CCSER1: variants seen among roughly 807,000 people sequenced by gnomAD.
The protein encoded by CCSER1 is coiled-coil serine rich protein 1.
CCSER1 carries 41 observed loss-of-function variants against 82.0 expected under a neutral mutation model. The ratio of observed to expected loss-of-function variants is 0.50; its 90% confidence interval spans 0.39 to 0.65. The LOEUF is 0.65. Ranked by LOEUF, CCSER1 falls within the 30% of genes least tolerant of loss-of-function variation. The pLI is 0.00. For missense variants in CCSER1, 1,119 were observed against 1,064.2 expected, an observed-to-expected ratio of 1.05 and a Z score of -0.72; for synonymous variants, 414 against 383.9, an observed-to-expected ratio of 1.08 and a Z score of -0.92.
intron 7 of CCSER1, among the ~76,000 whole-genome samples, chr4:90,789,305 G>C (rs967097073): frequency 6.6e-6 from 1 of 151,904 alleles, no homozygotes; most frequent in Non-Finnish European, 1.5e-5. Flanking sequence ...TCTTAAATTT[G>C]TTTGCTCCCA....
At chr4:90,147,789 T>G (rs999858386) in intron 1 of CCSER1, among the ~76,000 whole-genome samples, 3 of 152,118 alleles carry the variant, frequency 2.0e-5, no homozygotes, top group African/African-American at 7.2e-5. Flanking sequence ...AAAAGTAAGA[T>G]TGTGAACATA....
intron 4 of CCSER1, among the ~76,000 whole-genome samples, chr4:90,405,975 A>G (rs752943151): frequency 6.6e-6 from 1 of 152,190 alleles, no homozygotes; most frequent in East Asian, 1.9e-4. Flanking sequence ...TATGCAGGCA[A>G]CAAATAGCAT....
chr4:91,169,201 TA>T (rs57715555), intron 10 of CCSER1, among the ~76,000 whole-genome samples: 62 of 123,004 alleles, frequency 5.0e-4, no homozygotes, highest in Middle Eastern at 4.4e-3. Context: ...CAATAAATAC[TA>T]AAAAAAAAAA....
chr4:91,418,303 T>TAAAAAAA (rs142070235), intron 10 of CCSER1, among the ~76,000 whole-genome samples: 6 of 113,642 alleles, frequency 5.3e-5, no homozygotes, highest in African/African-American at 1.4e-4. Context: ...ATTTTTTAAT[T>TAAAAAAA]AAAAAAAAAA....
At chr4:90,746,237 C>T (rs1203913401) in intron 7 of CCSER1, among the ~76,000 whole-genome samples, 1 of 152,092 alleles carries the variant, frequency 6.6e-6, no homozygotes, top group Non-Finnish European at 1.5e-5. Context: ...TTTATATTCC[C>T]TATTTCAGTT....
chr4:90,797,214 T>C (rs1234198138), intron 7 of CCSER1, among the ~76,000 whole-genome samples: 1 of 152,216 alleles, frequency 6.6e-6, no homozygotes, highest in African/African-American at 2.4e-5. Context: ...TATTGTTGTA[T>C]TGAACCCTTT....
intron 6 of CCSER1, among the ~76,000 whole-genome samples, chr4:90,715,533 C>T (rs1741483870): frequency 1.3e-5 from 2 of 152,014 alleles, no homozygotes; most frequent in Non-Finnish European, 1.5e-5. Flanking sequence ...GCTAAGTCAA[C>T]ACTGAGACAA....
chr4:91,359,403 G>A (rs4529015), intron 10 of CCSER1, among the ~76,000 whole-genome samples: 48,570 of 151,352 alleles, frequency 0.32, 8,919 homozygotes, highest in African/African-American at 0.44. Flanking sequence ...ATAAAGCAAC[G>A]TAAAACAATA....
At chr4:91,402,865 C>A (rs966509913) in intron 10 of CCSER1, among the ~76,000 whole-genome samples, 1 of 152,126 alleles carries the variant, frequency 6.6e-6, no homozygotes, top group Non-Finnish European at 1.5e-5. Context: ...TTAGGATTGT[C>A]TTGGCAATGA....
intron 9 of CCSER1, among the ~76,000 whole-genome samples, chr4:91,055,637 T>C (rs1025860274): frequency 6.6e-6 from 1 of 152,150 alleles, no homozygotes; most frequent in African/African-American, 2.4e-5. Context: ...TTCATCTTAC[T>C]TGGAGTCCAT....
At chr4:90,969,008 A>G (rs554996488) in intron 9 of CCSER1, among the ~76,000 whole-genome samples, 38 of 152,078 alleles carry the variant, frequency 2.5e-4, no homozygotes, top group African/African-American at 7.7e-4. Flanking sequence ...AGGACTGAAG[A>G]CAATAAATGG....
At chr4:90,839,068 CGA>C in intron 8 of CCSER1, 1 of 1,594,548 alleles carries the variant, frequency 6.3e-7, no homozygotes, top group Non-Finnish European at 8.6e-7. Flanking sequence ...GCGAGGCGCG[CGA>C]GTACGAGCGA....
chr4:90,499,088 A>G (rs1005491476), intron 5 of CCSER1, among the ~76,000 whole-genome samples: 11 of 151,932 alleles, frequency 7.2e-5, no homozygotes, highest in Non-Finnish European at 2.9e-5. Flanking sequence ...TATGAAATAT[A>G]TATGTGTGTG....
At chr4:90,811,932 CACAT>C (rs900782262) in intron 7 of CCSER1, among the ~76,000 whole-genome samples, 2 of 130,624 alleles carry the variant, frequency 1.5e-5, no homozygotes, top group African/African-American at 2.9e-5. Flanking sequence ...CACACACACA[CACAT>C]ATATACACTT....
chr4:91,129,203 T>G (rs1393205763), intron 10 of CCSER1, among the ~76,000 whole-genome samples: 1 of 152,090 alleles, frequency 6.6e-6, no homozygotes, highest in African/African-American at 2.4e-5. Flanking sequence ...TCTGTCTGTG[T>G]TAGTTTGCTG....
intron 5 of CCSER1, among the ~76,000 whole-genome samples, chr4:90,491,888 G>A (rs529637308): frequency 5.3e-5 from 8 of 152,238 alleles, no homozygotes; most frequent in African/African-American, 1.7e-4. Context: ...TGGTTGATAA[G>A]CTTTTTGATG....
chr4:90,158,136 C>G (rs956294203), intron 1 of CCSER1, among the ~76,000 whole-genome samples: 3 of 152,028 alleles, frequency 2.0e-5, no homozygotes, highest in Non-Finnish European at 2.9e-5. Context: ...TGCTAGAGGT[C>G]CACTCCAGAC....
intron 10 of CCSER1, among the ~76,000 whole-genome samples, chr4:91,522,538 T>C (rs1760537389): frequency 6.6e-6 from 1 of 152,232 alleles, no homozygotes; most frequent in African/African-American, 2.4e-5. Context: ...TTGTGTCCTC[T>C]TTTATTTCGT....
At chr4:90,600,855 T>C (rs1371435430) in intron 5 of CCSER1, among the ~76,000 whole-genome samples, 1 of 152,082 alleles carries the variant, frequency 6.6e-6, no homozygotes, top group Non-Finnish European at 1.5e-5. Context: ...GAACATAATA[T>C]ATCTGTTTAG....
Sources: gnomAD v4.1 joint callset for allele counts (sites outside exome capture counted in the v4.1 genomes callset) on GRCh38, gnomAD v4.1.1 for gene constraint, MANE v1.5 for transcripts, NCBI Gene and HGNC (gene_info 2026-07-23, HGNC 2026-07-21) for gene names.